The following CAMTA1 variants were observed in gnomAD, a reference collection of about 807,000 sequenced individuals.
The protein encoded by CAMTA1 is calmodulin binding transcription activator 1.
Under a neutral mutation model 170.9 loss-of-function variants are expected in CAMTA1, and 27 were observed. The observed-to-expected ratio is 0.16, with a 90% CI of 0.12 to 0.22. The LOEUF is 0.22. CAMTA1 is among the 10% of genes least tolerant of loss of function. The probability of loss-of-function intolerance (pLI) is 1.00; values close to 1 mark genes in which losing one functional copy is unlikely to be tolerated. For synonymous variants in CAMTA1, 833 were observed against 891.5 expected, an observed-to-expected ratio of 0.93 and a Z score of 1.17; for missense variants, 1,619 against 2,217.2, an observed-to-expected ratio of 0.73 and a Z score of 5.42.
intron 3 of CAMTA1, among the ~76,000 whole-genome samples, chr1:7,083,533 G>A (rs1231146545): frequency 6.6e-6 from 1 of 152,124 alleles, no homozygotes; most frequent in Non-Finnish European, 1.5e-5. Context: ...ATGTTCAGAC[G>A]GGAGCCCTGC....
intron 1 of CAMTA1, 99 bp downstream of exon 1, chr1:6,785,674 CGGGGGCGCGGCGGGCGG>C (rs1187988942): frequency 3.6e-5 from 2 of 55,216 alleles, no homozygotes; most frequent in Non-Finnish European, 4.9e-5. Context: ...GGCGGGAGCG[CGGGGGCGCGGCGGGCGG>C]GCGGGCGGGC....
chr1:7,427,768 C>T (rs562123239), intron 5 of CAMTA1, among the ~76,000 whole-genome samples: 63 of 152,306 alleles, frequency 4.1e-4, no homozygotes, highest in African/African-American at 1.4e-3. Context: ...AGGGACGAGG[C>T]GCAATCCCAG....
chr1:7,079,473 T>TC (rs1639732265), intron 3 of CAMTA1, among the ~76,000 whole-genome samples: 2 of 76,264 alleles, frequency 2.6e-5, no homozygotes, highest in African/African-American at 1.6e-4. Flanking sequence ...GTGATAAAGA[T>TC]TTTTTTTTTC....
chr1:7,267,268 C>T (rs139206175), intron 5 of CAMTA1, among the ~76,000 whole-genome samples: 1 of 152,230 alleles, frequency 6.6e-6, no homozygotes, highest in East Asian at 1.9e-4. Flanking sequence ...ACAGTGCCAG[C>T]ATTTCTGTGA....
At chr1:7,428,503 G>A (rs545501875) in intron 5 of CAMTA1, among the ~76,000 whole-genome samples, 130 of 152,158 alleles carry the variant, frequency 8.5e-4, no homozygotes, top group African/African-American at 3.0e-3. Context: ...GTGGCTTCCC[G>A]GAGCACATAG....
intron 1 of CAMTA1, among the ~76,000 whole-genome samples, chr1:6,811,542 T>C (rs1489486412): frequency 1.3e-5 from 2 of 152,234 alleles, no homozygotes; most frequent in Non-Finnish European, 2.9e-5. Flanking sequence ...TGCTTCTGTG[T>C]GTCAGTTTTG....
At chr1:6,929,774 G>A (rs1226505814) in intron 3 of CAMTA1, among the ~76,000 whole-genome samples, 4 of 152,346 alleles carry the variant, frequency 2.6e-5, no homozygotes, top group Admixed American at 1.3e-4. Flanking sequence ...TGGGATTACC[G>A]GCGTGAGCCA....
At chr1:7,708,696 C>G (rs1184913503) in intron 11 of CAMTA1, among the ~76,000 whole-genome samples, 1 of 152,118 alleles carries the variant, frequency 6.6e-6, no homozygotes, top group East Asian at 1.9e-4. Context: ...AGAGACTGGT[C>G]AGCTCATCTT....
At position 7,604,640 on chromosome 1, in the gene CAMTA1, T is replaced by C. The variant is rs578067819; in HGVS notation, c.511-35760T>C. ...ATGGGTTCGAACTTCCTCCTTTAGC[T>C]CAGAGTAGTTTGATCGTCTGAAGAC... On this transcript the variant is annotated intron_variant, in intron 6 of 22. Transcript: ENST00000303635. Among the ~76,000 whole-genome samples the C allele has an allele frequency of 2.6e-5, 4 of 152,344 alleles. No homozygotes were observed. In the East Asian group the frequency reaches 7.7e-4, roughly 29 times the overall value.
At chr1:7,589,271 G>C (rs948183256) in intron 6 of CAMTA1, among the ~76,000 whole-genome samples, 3 of 152,234 alleles carry the variant, frequency 2.0e-5, no homozygotes, top group African/African-American at 7.2e-5. Context: ...AGGAGAGGGT[G>C]CCCAAGTAGG....
At chr1:7,190,598 A>G (rs1277213601) in intron 4 of CAMTA1, among the ~76,000 whole-genome samples, 1 of 152,174 alleles carries the variant, frequency 6.6e-6, no homozygotes, top group East Asian at 1.9e-4. Context: ...TTTACTTGTT[A>G]TGCTTCCAAC....
Position 6,970,249 on chromosome 1 carries a change from C to A in CAMTA1, c.235-121055C>A, listed in dbSNP as rs896850925. Among the ~76,000 whole-genome samples the A allele has an allele frequency of 6.6e-6, 1 of 152,214 alleles. No individual in the cohort carries two copies. The highest frequency in any genetic ancestry group is 2.4e-5 in the African/African-American group (1 of 41,460). ...TCAGTGATTTCAGCGCATCTCTGTGCCTTTTTTGGTCCACATGCATATATT... is the reference window on the plus strand; with the variant it reads ...TCAGTGATTTCAGCGCATCTCTGTGACTTTTTTGGTCCACATGCATATATT... On this transcript the variant is annotated intron_variant, in intron 3 of 22. Transcript: ENST00000303635. This position sits in a 1 kb window ranked among gnomAD's most constrained non-coding sequence, Gnocchi z 4.4.
At chr1:7,276,291 A>ATTTTTTTTTT (rs1257658481) in intron 5 of CAMTA1, among the ~76,000 whole-genome samples, 21 of 51,300 alleles carry the variant, frequency 4.1e-4, no homozygotes, top group African/African-American at 6.3e-4. Context: ...ATATATATAT[A>ATTTTTTTTTT]TATATATATA....
chr1:7,531,660 G>A (rs1029246236), intron 6 of CAMTA1, among the ~76,000 whole-genome samples: 2 of 152,218 alleles, frequency 1.3e-5, no homozygotes, highest in Admixed American at 6.5e-5. Context: ...CCTCCCTCTC[G>A]CCAGGTCCAC....
intron 4 of CAMTA1, among the ~76,000 whole-genome samples, chr1:7,183,336 A>G (rs1214460328): frequency 6.6e-6 from 1 of 152,292 alleles, no homozygotes; most frequent in Admixed American, 6.5e-5. Context: ...TCAGGCCCCA[A>G]CTGCAACTTG....
chr1:6,845,369 T>C (rs1347307416), intron 3 of CAMTA1, among the ~76,000 whole-genome samples: 2 of 152,252 alleles, frequency 1.3e-5, no homozygotes, highest in Admixed American at 6.5e-5. Context: ...ACCTCGGCCC[T>C]CAGGAAGTAA....
At position 7,665,252 on chromosome 1, in the gene CAMTA1, C is replaced by G. The variant is rs2095991121; in HGVS notation, c.2652+53C>G. Reference sequence around the variant, plus strand: ...TCACCTCCCCTCCCACCCACCTCGCCAGCCCCTGCGCCACCCTGCAGCTAA... The same window carrying G: ...TCACCTCCCCTCCCACCCACCTCGCGAGCCCCTGCGCCACCCTGCAGCTAA... On this transcript the variant is annotated intron_variant, in intron 9 of 22. Coordinates refer to ENST00000303635, the MANE Select transcript of CAMTA1 (RefSeq NM_015215.4). This position sits in a 1 kb window ranked among gnomAD's most constrained non-coding sequence, Gnocchi z 4.3. 2 of 1,398,682 alleles carry G rather than the reference C, an allele frequency of 1.4e-6. No individual in the cohort carries two copies. The highest frequency in any genetic ancestry group is 2.9e-5 in the African/African-American group (2 of 69,360). The allele number at this position is 1,398,682 out of a possible 1,614,324, so 86.6% of individuals were successfully genotyped here. A position where few individuals can be genotyped will look rare whatever the true frequency, so the allele number is the denominator to read the frequency against.
intron 4 of CAMTA1, among the ~76,000 whole-genome samples, chr1:7,110,064 A>G (rs900528457): frequency 2.6e-5 from 4 of 152,030 alleles, no homozygotes; most frequent in Middle Eastern, 3.2e-3. Context: ...TCTGCATTCA[A>G]TTTATCTGAG....
In CAMTA1 at chr1:7,570,987, T is replaced by C. The variant is rs1170337074; in HGVS notation, c.511-69413T>C. ...GTGAGGATTAAAGGTGGTGTATCTG[T>C]AAGGTGTAAGGTGTCCCTCCCAGAG... On this transcript the variant is annotated intron_variant, in intron 6 of 22. Coordinates refer to ENST00000303635, the MANE Select transcript of CAMTA1 (RefSeq NM_015215.4). The surrounding 1 kb of genome is among the most constrained non-coding windows in gnomAD (Gnocchi z 4.3). Among the ~76,000 whole-genome samples, 2 of 152,184 alleles carry C rather than the reference T, an allele frequency of 1.3e-5. No individual in the cohort carries two copies. The highest frequency in any genetic ancestry group is 2.9e-5 in the Non-Finnish European group (2 of 68,012).
Sources: gnomAD v4.1 joint callset for allele counts (sites outside exome capture counted in the v4.1 genomes callset) on GRCh38, gnomAD v4.1.1 for gene constraint, Gnocchi (gnomAD v3.1) non-coding constraint, MANE v1.5 for transcripts, NCBI Gene and HGNC (gene_info 2026-07-23, HGNC 2026-07-21) for gene names.